The following AGAP9 variants were observed in gnomAD, a reference collection of about 807,000 sequenced individuals.
AGAP9 encodes the protein arf-GAP with GTPase, ANK repeat and PH domain-containing protein 9.
Under a neutral mutation model 55.6 loss-of-function variants are expected in AGAP9, and 23 were observed. The ratio of observed to expected loss-of-function variants is 0.41; its 90% CI spans 0.30 to 0.59. The LOEUF (loss-of-function observed/expected upper bound fraction) is 0.59. Among genes scored for constraint, AGAP9 ranks in the 20% least tolerant of loss-of-function variants. The probability of loss-of-function intolerance (pLI) is 0.25; values close to 1 mark genes in which losing one functional copy is unlikely to be tolerated. For synonymous variants in AGAP9, 120 were observed against 305.0 expected (o/e 0.39, Z 6.32); for missense variants, 309 against 808.1 (o/e 0.38, Z 7.49).
chr10:47,510,439 A>G (rs1840583651), intron 4 of AGAP9, among the ~76,000 whole-genome samples, 168 bp from the exon 5 acceptor site: 1 of 140,274 alleles, frequency 7.1e-6, no homozygotes, highest in South Asian at 2.3e-4. Flanking sequence ...ACTTCCAGAG[A>G]TGATGTTTAA....
At position 47,502,445 on chromosome 10, in the gene AGAP9, C is replaced by A; in HGVS notation, c.1684G>T (p.Glu562Ter). ...TTGGAACGGATCCACCATTCCTTCT[C>A]TTCCCTCGTGGACTTTATTGAGGGT... ...TKPSIKSTRE[E>*]KEWWIRSKYE... Residue 562 changes from glutamate (E) to a stop codon, truncating the protein, a stop_gained, in exon 8 of 8, where the codon GAG becomes TAG. Transcript: ENST00000452145. LOFTEE classifies it high-confidence loss of function. The A allele has an allele frequency of 6.2e-7, 1 of 1,612,350 alleles. No individual in the cohort carries two copies. Among genetic ancestry groups the A allele is most frequent in the Non-Finnish European group, 8.5e-7 (1 of 1,179,918 alleles).
In AGAP9 at chr10:47,513,354, G is replaced by A. The variant is rs1208814347; in HGVS notation, c.397-3083C>T. ...GGCCCGATTATCTTTTTGATATGCC[G>A]TTGGGAACTACAAAACATTGCTGAA... On this transcript the variant is annotated intron_variant, in intron 4 of 7. Coordinates refer to ENST00000452145, the MANE Select transcript of AGAP9 (RefSeq NM_001190810.1). 1.4e-4 allele frequency among the ~76,000 whole-genome samples: 20 copies of A among 142,220 alleles called. 7 individuals carry two copies. Among genetic ancestry groups the A allele is most frequent in the East Asian group, 8.9e-4 (3 of 3,384 alleles). 93.3% of individuals were successfully genotyped at this position (142,220 alleles called of 152,430 possible). A position where few individuals can be genotyped will look rare whatever the true frequency, so the allele number is the denominator to read the frequency against.
At chr10:47,522,560 C>G (rs1840870985) in intron 2 of AGAP9, among the ~76,000 whole-genome samples, 1 of 146,850 alleles carries the variant, frequency 6.8e-6, no homozygotes, top group Non-Finnish European at 1.5e-5. Context: ...TGACTTAAAG[C>G]AGCCCATTAA....
Position 47,503,340 on chromosome 10 carries a change from G to C in AGAP9, c.789C>G (p.Asp263Glu). The change falls in exon 8 of 8, where the codon GAC becomes GAG. Residue 263 changes from aspartate to glutamate, a missense_variant. Physicochemically the swap from Asp to Glu is conservative, Grantham distance 45 (BLOSUM62 2). Transcript: ENST00000452145. ...LFTSEKGSDP[D>E]KERKAPENHA... ...GATTCTCCGGGGCTTTCCTCTCTTT[G>C]TCTGGGTCACTCCCTTTCTCAGATG... 1 of 1,604,538 alleles carries C rather than the reference G, an allele frequency of 6.2e-7. No homozygotes were observed. The highest frequency in any genetic ancestry group is 8.5e-7 in the Non-Finnish European group (1 of 1,176,520).
intron 2 of AGAP9, among the ~76,000 whole-genome samples, chr10:47,520,942 A>C (rs1398372279): frequency 8.0e-6 from 1 of 125,192 alleles, no homozygotes; most frequent in Non-Finnish European, 1.6e-5. Flanking sequence ...AAGTTTTAAA[A>C]GACAGTCTAT....
chr10:47,514,232 A>C (rs1840686102), intron 4 of AGAP9, among the ~76,000 whole-genome samples: 1 of 149,194 alleles, frequency 6.7e-6, no homozygotes, highest in African/African-American at 2.5e-5. Context: ...CGGATAAAGA[A>C]ACTGTGATAT....
At chr10:47,506,393 A>C (rs1379255790) in intron 6 of AGAP9, among the ~76,000 whole-genome samples, 38 of 132,408 alleles carry the variant, frequency 2.9e-4, no homozygotes, top group East Asian at 1.6e-3. Flanking sequence ...TGCAATGGCA[A>C]GATCTCGGCT....
chr10:47,519,487 A>G (rs1840781493), intron 3 of AGAP9, among the ~76,000 whole-genome samples: 1 of 122,362 alleles, frequency 8.2e-6, no homozygotes, highest in South Asian at 2.7e-4. Flanking sequence ...AAAAAAAAAG[A>G]GTGTGGTACC....
chr10:47,513,138 G>A (rs1472052279), intron 4 of AGAP9, among the ~76,000 whole-genome samples: 3 of 149,142 alleles, frequency 2.0e-5, no homozygotes, highest in African/African-American at 4.9e-5. Flanking sequence ...AGGTTCAAGC[G>A]ATTCTCCTGC....
At chr10:47,521,917 A>G (rs1840851996) in intron 2 of AGAP9, among the ~76,000 whole-genome samples, 1 of 149,974 alleles carries the variant, frequency 6.7e-6, no homozygotes, top group Non-Finnish European at 1.5e-5. Flanking sequence ...AGTAGCTGGA[A>G]CTACAGTCAT....
chr10:47,521,803 C>T (rs1171843951), intron 2 of AGAP9, among the ~76,000 whole-genome samples: 21 of 151,122 alleles, frequency 1.4e-4, no homozygotes, highest in African/African-American at 2.4e-4. Context: ...TTTTGTGAGA[C>T]GGAGTCTCGC....
At chr10:47,503,845 AAT>A (rs1463256582) in intron 7 of AGAP9, among the ~76,000 whole-genome samples, 2 of 114,916 alleles carry the variant, frequency 1.7e-5, no homozygotes, top group African/African-American at 7.3e-5. Flanking sequence ...GAGGCAGGAG[AAT>A]TGCTTGAACA....
At chr10:47,508,930 C>G (rs1232569653) in intron 5 of AGAP9, among the ~76,000 whole-genome samples, 1 of 127,800 alleles carries the variant, frequency 7.8e-6, no homozygotes, top group South Asian at 2.4e-4. Flanking sequence ...CCACTGACAA[C>G]AGTGCACTAC....
rs1840381792 is a variant in AGAP9, at chr10:47,502,768, C to CTTT, written c.1358_1360dup (p.Lys453dup). The CTTT allele has an allele frequency of 6.3e-7, 1 of 1,577,410 alleles. No individual in the cohort carries two copies. The highest frequency in any genetic ancestry group is 1.4e-5 in the African/African-American group (1 of 73,194). ...ACTCTGGCTGGTCAGCTGGGACTTG[C>CTTT]TTTTACTGCTCTTGCATGACTGCAG... On this transcript the variant is annotated inframe_insertion, in exon 8 of 8. Transcript: ENST00000452145.
At chr10:47,506,705 T>C (rs1398540467) in intron 6 of AGAP9, among the ~76,000 whole-genome samples, 1 of 143,848 alleles carries the variant, frequency 7.0e-6, no homozygotes, top group East Asian at 2.8e-4. Context: ...AATGGCACGA[T>C]CTCAGCTCTC....
At position 47,522,272 on chromosome 10, in the gene AGAP9, C is replaced by T. The variant is rs1227315152; in HGVS notation, c.292+594G>A. On this transcript the variant is annotated intron_variant, in intron 2 of 7. Transcript: ENST00000452145. Reference sequence around the variant, plus strand: ...TTGAAAGTTTTGACCGTGAACCAATCCCCACCTCTCTTTTAGAACAAGGAG... The same window carrying T: ...TTGAAAGTTTTGACCGTGAACCAATTCCCACCTCTCTTTTAGAACAAGGAG... Among the ~76,000 whole-genome samples, 5 of 144,464 alleles carry T rather than the reference C, an allele frequency of 3.5e-5. No individual in the cohort carries two copies. In the Admixed American group the frequency reaches 3.5e-4, roughly 10 times the overall value. 94.8% of individuals were successfully genotyped at this position (144,464 alleles called of 152,430 possible). A position where few individuals can be genotyped will look rare whatever the true frequency, so the allele number is the denominator to read the frequency against.
chr10:47,504,740 T>TA (rs1840438910), intron 6 of AGAP9, among the ~76,000 whole-genome samples: 1 of 137,536 alleles, frequency 7.3e-6, no homozygotes, highest in Non-Finnish European at 1.5e-5. Context: ...TTTGTAAAAC[T>TA]AATGCATTGT....
rs1405733224 is a variant in AGAP9, at chr10:47,522,216, A to T, written c.292+650T>A. 1.4e-5 allele frequency among the ~76,000 whole-genome samples: 2 copies of T among 141,764 alleles called. 1 individual carries two copies. The highest frequency in any genetic ancestry group is 5.3e-5 in the African/African-American group (2 of 38,016). 93.0% of individuals were successfully genotyped at this position (141,764 alleles called of 152,430 possible). ...TTAACCTGCAATCTTTATATTACAC[A>T]TTAAAAGTCTACGTTGACGTTTCAT... On this transcript the variant is annotated intron_variant, in intron 2 of 7. Transcript: ENST00000452145.
At chr10:47,510,141 T>A (rs1840574359) in intron 5 of AGAP9, 30 bp downstream of exon 5, 1 of 1,170,886 alleles carries the variant, frequency 8.5e-7, no homozygotes, top group Non-Finnish European at 1.2e-6. Flanking sequence ...AATAAAGGAA[T>A]CTGTCCCTCG....
Sources: allele counts gnomAD v4.1 joint callset (sites outside exome capture counted in the v4.1 genomes callset), GRCh38; gene constraint gnomAD v4.1.1; transcripts MANE v1.5; gene names NCBI Gene and HGNC (gene_info 2026-07-23, HGNC 2026-07-21).